Variants in DPH7 observed in about 807,000 individuals in gnomAD.
DPH7 encodes the protein diphthine methyltransferase.
A neutral mutation model predicts 41.7 loss-of-function variants in DPH7; 44 were observed. That is an observed-to-expected ratio of 1.05 (90% CI 0.83 to 1.36). The LOEUF is 1.36. Ranked by LOEUF, DPH7 falls within the 40% of genes most tolerant of loss-of-function variation. The pLI is 0.00. For missense variants in DPH7, 629 were observed against 577.5 expected (o/e 1.09, Z -0.91); for synonymous variants, 275 against 238.0 (o/e 1.16, Z -1.43).
At chr9:137,555,803 A>G (rs535474484) in intron 8 of DPH7, among the ~76,000 whole-genome samples, 155 bp from the exon 9 acceptor site, 4 of 152,240 alleles carry the variant, frequency 2.6e-5, no homozygotes, top group Non-Finnish European at 5.9e-5. Flanking sequence ...AACCAGCAAG[A>G]CCTGGGCATA....
rs746602048 is a variant in DPH7 at position 137,565,076 on chromosome 9, G to A, written c.710+9C>T. 231 of 1,614,042 alleles carry A rather than the reference G, an allele frequency of 1.4e-4. 3 individuals are homozygous for A. In the South Asian group the frequency reaches 1.6e-3, roughly 11 times the overall value. The stretch of plus-strand genomic sequence containing the variant: ...TGTGGGCACCGAGTGCTGGCCCTTG[G>A]GCAGTTACCTTTTGCTGGTGAAGAG... On this transcript the variant is annotated intron_variant, in intron 6 of 8. Coordinates refer to ENST00000277540, the MANE Select transcript of DPH7 (RefSeq NM_138778.5).
chr9:137,570,633 A>G (rs1247853573), intron 5 of DPH7, among the ~76,000 whole-genome samples: 1 of 152,216 alleles, frequency 6.6e-6, no homozygotes, highest in Non-Finnish European at 1.5e-5. Flanking sequence ...CATTCTGAGT[A>G]GGAAACAAAG....
chr9:137,564,691 C>T (rs1013431192), intron 7 of DPH7, 85 bp from the exon 8 acceptor site: 4 of 1,541,052 alleles, frequency 2.6e-6, no homozygotes, highest in Non-Finnish European at 3.5e-6. Context: ...CAGAACGTCT[C>T]CCAGAGACCT....
At chr9:137,562,608 T>C (rs891931193) in intron 8 of DPH7, among the ~76,000 whole-genome samples, 1 of 152,190 alleles carries the variant, frequency 6.6e-6, no homozygotes, top group Non-Finnish European at 1.5e-5. Flanking sequence ...AGACCTCAAA[T>C]TGTTTTAAGA....
chr9:137,575,519 A>C, intron 3 of DPH7: 2 of 991,012 alleles, frequency 2.0e-6, no homozygotes, highest in African/African-American at 3.5e-5. Flanking sequence ...TTTCCTACAC[A>C]GGCCCTCGGT....
At chr9:137,570,839 C>T (rs114966984) in intron 5 of DPH7, among the ~76,000 whole-genome samples, 118 of 152,306 alleles carry the variant, frequency 7.7e-4, no homozygotes, top group African/African-American at 2.8e-3. Context: ...GCACCTGCTC[C>T]CAGCACCCTT....
Position 137,568,958 on chromosome 9 carries a change from G to T in DPH7, c.641-3804C>A, listed in dbSNP as rs535268516. ...GCACACAGGAGGCAGCAAGCACAAG[G>T]ACTCCACACCATGCACCTGAAAGGA... On this transcript the variant is annotated intron_variant, in intron 5 of 8. Transcript: ENST00000277540. 3.3e-5 allele frequency among the ~76,000 whole-genome samples: 5 copies of T among 152,212 alleles called. No homozygotes were observed. The South Asian group carries it at 1.0e-3, about 32-fold the overall frequency.
At chr9:137,560,279 C>T (rs564143311) in intron 8 of DPH7, among the ~76,000 whole-genome samples, 3 of 152,134 alleles carry the variant, frequency 2.0e-5, no homozygotes, top group East Asian at 3.9e-4. Context: ...TCCAAACAGG[C>T]GGTGGCTGGG....
Position 137,578,620 on chromosome 9 carries a change from C to G in DPH7, c.153+5G>C, listed in dbSNP as rs1342020230. Reference sequence around the variant, plus strand: ...CCTCCCCTCCCGAAGCCGCGGCGCGCGCACCTTGTTCTGGGGGCCGGCAGG... The same window carrying G: ...CCTCCCCTCCCGAAGCCGCGGCGCGGGCACCTTGTTCTGGGGGCCGGCAGG... On this transcript the variant is annotated splice_donor_5th_base_variant and intron_variant, in intron 1 of 8. Coordinates refer to ENST00000277540, the MANE Select transcript of DPH7 (RefSeq NM_138778.5). The G allele has an allele frequency of 6.7e-7, 1 of 1,485,850 alleles. No homozygotes were observed. Among genetic ancestry groups the G allele is most frequent in the Non-Finnish European group, 8.9e-7 (1 of 1,124,948 alleles). 92.0% of individuals were successfully genotyped at this position (1,485,850 alleles called of 1,614,324 possible). A position where few individuals can be genotyped will look rare whatever the true frequency, so the allele number is the denominator to read the frequency against.
chr9:137,554,948 T>C lies in DPH7; in HGVS notation c.*291A>G. The C allele has an allele frequency of 2.8e-6, 1 of 356,586 alleles. No individual in the cohort carries two copies. The allele number at this position is 356,586 out of a possible 1,614,324, so 22.1% of individuals were successfully genotyped here. Reference sequence around the variant, plus strand: ...TAATACAAATAGTTGCTTAAACAAGTATGAAAGGCTGAAAGTCAAAATCTG... The same window carrying C: ...TAATACAAATAGTTGCTTAAACAAGCATGAAAGGCTGAAAGTCAAAATCTG... On this transcript the variant is annotated 3_prime_UTR_variant, in exon 9 of 9. Coordinates refer to ENST00000277540, the MANE Select transcript of DPH7 (RefSeq NM_138778.5).
At position 137,564,419 on chromosome 9, in the gene DPH7, CG is replaced by C; in HGVS notation, c.949+14del. ...GCCCTGCCCTGAGGCCCAGCAGCCA[CG>C]GGTCCCCACTCACCCATTGCCTTTT... On this transcript the variant is annotated intron_variant, in intron 8 of 8. Coordinates refer to ENST00000277540, the MANE Select transcript of DPH7 (RefSeq NM_138778.5). 1 of 1,603,064 alleles carries C rather than the reference CG, an allele frequency of 6.2e-7. No individual in the cohort carries two copies. Among genetic ancestry groups the C allele is most frequent in the Non-Finnish European group, 8.5e-7 (1 of 1,172,596 alleles).
rs1841618526 is a variant in DPH7, at chr9:137,577,503, C to G, written c.254G>C (p.Arg85Thr). 1.2e-6 allele frequency: 2 copies of G among 1,613,748 alleles called. No individual in the cohort carries two copies. Among genetic ancestry groups the G allele is most frequent in the Non-Finnish European group, 8.5e-7 (1 of 1,179,810 alleles). The change falls in exon 2 of 9, where the codon AGA becomes ACA. Residue 85 changes from arginine (R) to threonine (T), a missense_variant. Physicochemically the swap from Arg to Thr is moderately conservative, Grantham distance 71. Transcript: ENST00000277540. Reference sequence around the variant, plus strand: ...GTCCAGGATTGCAGAAGTATCTTTTCTTTGGACCTCGACCAGAGGGTGAAT... The same window carrying G: ...GTCCAGGATTGCAGAAGTATCTTTTGTTTGGACCTCGACCAGAGGGTGAAT... ...NSIHPLVEVQ[R>T]KDTSAILDMK...
At chr9:137,574,564 A>T in intron 4 of DPH7, 184 bp from the exon 5 acceptor site, 1 of 824,530 alleles carries the variant, frequency 1.2e-6, no homozygotes, top group Non-Finnish European at 1.9e-6. Context: ...CGACTTCTCT[A>T]GGTAAAAACA....
rs771652749 is a variant in DPH7 at position 137,564,846 on chromosome 9, G to C, written c.776+47C>G. ...AAGAAGGGCCCAGGAGCCCCCCGGG[G>C]ACAGCGAAAGAGACGAGAAGGGCCC... On this transcript the variant is annotated intron_variant, in intron 7 of 8. Transcript: ENST00000277540. 7.0e-6 allele frequency: 11 copies of C among 1,561,348 alleles called. No homozygotes were observed. In the East Asian group the frequency reaches 2.1e-4, roughly 30 times the overall value.
Position 137,576,158 on chromosome 9 carries a change from G to C in DPH7, c.297C>G (p.Ile99Met), listed in dbSNP as rs1301634580. ...SAILDMKWCH[I>M]PVAGHALLGL... ...CCAAGAGGGCATGTCCAGCCACCGGGATGTGACACCTGAGGAGAGGGCCCA... is the reference window on the plus strand; with the variant it reads ...CCAAGAGGGCATGTCCAGCCACCGGCATGTGACACCTGAGGAGAGGGCCCA... The change falls in exon 3 of 9, where the codon ATC becomes ATG. Residue 99 changes from isoleucine (I) to methionine (M), a missense_variant. Ile to Met is a conservative substitution (Grantham distance 10). Transcript: ENST00000277540. 6.2e-7 allele frequency: 1 copy of C among 1,613,762 alleles called. No homozygotes were observed. Among genetic ancestry groups the C allele is most frequent in the Non-Finnish European group, 8.5e-7 (1 of 1,180,018 alleles).
At chr9:137,570,830 C>T (rs781096046) in intron 5 of DPH7, among the ~76,000 whole-genome samples, 3 of 152,200 alleles carry the variant, frequency 2.0e-5, no homozygotes, top group African/African-American at 7.2e-5. Flanking sequence ...GTATAATCTG[C>T]ACCTGCTCCC....
At chr9:137,578,043 G>GGT (rs1337195456) in intron 1 of DPH7, 1 of 980,634 alleles carries the variant, frequency 1.0e-6, no homozygotes, top group Non-Finnish European at 1.2e-6. Context: ...GTTGGCCGGG[G>GGT]GCGGTGGCTC....
intron 8 of DPH7, among the ~76,000 whole-genome samples, 189 bp downstream of exon 8, chr9:137,564,245 G>A (rs534160813): frequency 3.9e-5 from 6 of 152,348 alleles, no homozygotes; most frequent in Admixed American, 1.3e-4. Flanking sequence ...TTAGAGAGCA[G>A]AGATTCTGGA....
At position 137,578,858 on chromosome 9, in the gene DPH7, G is replaced by A; in HGVS notation, c.-81C>T. On this transcript the variant is annotated 5_prime_UTR_variant, in exon 1 of 9. Coordinates refer to ENST00000277540, the MANE Select transcript of DPH7 (RefSeq NM_138778.5). ...GCTGGGTACTGCGCGGGGCGGCGAG[G>A]CCGGGGCCGGCCGGACGAGCGCAGA... 7.7e-7 allele frequency: 1 copy of A among 1,295,968 alleles called. No homozygotes were observed. The highest frequency in any genetic ancestry group is 9.9e-7 in the Non-Finnish European group (1 of 1,012,062). The allele number at this position is 1,295,968 out of a possible 1,614,324, so 80.3% of individuals were successfully genotyped here. A position where few individuals can be genotyped will look rare whatever the true frequency, so the allele number is the denominator to read the frequency against.
Sources: gnomAD v4.1 joint callset for allele counts (sites outside exome capture counted in the v4.1 genomes callset) on GRCh38, gnomAD v4.1.1 for gene constraint, MANE v1.5 for transcripts, NCBI Gene and HGNC (gene_info 2026-07-23, HGNC 2026-07-21) for gene names.